The following RASAL2 variants were observed in gnomAD, a reference collection of about 807,000 sequenced individuals.
RASAL2 encodes the protein ras GTPase-activating protein nGAP.
A neutral mutation model predicts 128.9 loss-of-function variants in RASAL2; 58 were observed. That is an observed-to-expected ratio of 0.45 (90% CI 0.36 to 0.56). The LOEUF (loss-of-function observed/expected upper bound fraction) is 0.56, where lower values mean the gene tolerates loss of function less well. RASAL2 is among the 20% of genes least tolerant of loss of function. The pLI, the probability that RASAL2 is intolerant of heterozygous loss-of-function variation, is 0.00. For synonymous variants in RASAL2, 561 were observed against 580.8 expected (o/e 0.97, Z 0.49); for missense variants, 1,360 against 1,601.6 (o/e 0.85, Z 2.57).
chr1:178,416,780 C>T (rs1369565532), intron 4 of RASAL2, among the ~76,000 whole-genome samples: 6 of 151,920 alleles, frequency 3.9e-5, no homozygotes, highest in African/African-American at 7.2e-5. Flanking sequence ...CCTCTCAACA[C>T]TTTAATATTT....
At chr1:178,331,832 C>T (rs1447736626) in intron 3 of RASAL2, among the ~76,000 whole-genome samples, 1 of 152,052 alleles carries the variant, frequency 6.6e-6, no homozygotes, top group Admixed American at 6.5e-5. Context: ...CATGATCCGC[C>T]TGCCTCGGCC....
At chr1:178,389,512 T>C (rs1042012645) in intron 3 of RASAL2, among the ~76,000 whole-genome samples, 9 of 152,190 alleles carry the variant, frequency 5.9e-5, no homozygotes, top group African/African-American at 2.2e-4. Flanking sequence ...CAGAGTAAGA[T>C]CTTAGTAAGG....
intron 1 of RASAL2, among the ~76,000 whole-genome samples, chr1:178,185,254 AT>A (rs888669714): frequency 3.0e-4 from 44 of 146,020 alleles, no homozygotes; most frequent in African/African-American, 6.0e-4. Context: ...GAGTCTTTAC[AT>A]TTTTTTTTTC....
chr1:178,119,805 T>C (rs1474411963), intron 1 of RASAL2, among the ~76,000 whole-genome samples: 3 of 152,206 alleles, frequency 2.0e-5, no homozygotes, highest in Non-Finnish European at 4.4e-5. Context: ...ACTAATCCTC[T>C]CTAACGATTG....
chr1:178,250,425 C>CTTG lies in RASAL2; in HGVS notation c.203-33139_203-33138insTTG, dbSNP rs1373034130. 2.1e-4 allele frequency among the ~76,000 whole-genome samples: 32 copies of CTTG among 152,358 alleles called. No homozygotes were observed. In the East Asian group the frequency reaches 5.8e-3, roughly 28 times the overall value. On this transcript the variant is annotated intron_variant, in intron 1 of 17. Coordinates refer to ENST00000367649, the MANE Select transcript of RASAL2 (RefSeq NM_170692.4). ...TCAGCAATGGCGGACGCCCCAACCC[C>CTTG]ACCAAGCTTGATCATCCCAGGTCGA...
At chr1:178,098,435 C>T (rs1008456317) in intron 1 of RASAL2, among the ~76,000 whole-genome samples, 1 of 152,128 alleles carries the variant, frequency 6.6e-6, no homozygotes, top group African/African-American at 2.4e-5. Flanking sequence ...AGCAGCATAG[C>T]GAAAGGAAAC....
rs146721821 is a variant in RASAL2 at position 178,447,431 on chromosome 1, T to C, written c.1627+1769T>C. Among the ~76,000 whole-genome samples, 823 of 151,918 alleles carry C rather than the reference T, an allele frequency of 5.4e-3. 8 individuals carry two copies. Among genetic ancestry groups the C allele is most frequent in the African/African-American group, 0.019 (792 of 41,422 alleles). ...GCTCACACTTGTAATCCCAACACTT[T>C]AGGAGGCCGAGGCAGGCCCACCACC... On this transcript the variant is annotated intron_variant, in intron 9 of 17. Coordinates refer to ENST00000367649, the MANE Select transcript of RASAL2 (RefSeq NM_170692.4).
chr1:178,169,129 T>G (rs985060179), intron 1 of RASAL2, among the ~76,000 whole-genome samples: 1 of 151,744 alleles, frequency 6.6e-6, no homozygotes, highest in Non-Finnish European at 1.5e-5. Flanking sequence ...CCTTTAAAAA[T>G]GTACCATTTG....
chr1:178,289,332 C>T (rs149560578), intron 2 of RASAL2, among the ~76,000 whole-genome samples: 204 of 152,224 alleles, frequency 1.3e-3, no homozygotes, highest in African/African-American at 4.7e-3. Flanking sequence ...GTCATCTTTA[C>T]AGATTTCTCT....
chr1:178,282,304 C>A (rs1014934924), intron 1 of RASAL2, among the ~76,000 whole-genome samples: 1 of 151,964 alleles, frequency 6.6e-6, no homozygotes, highest in Admixed American at 6.6e-5. Flanking sequence ...GAAGTTAAAC[C>A]AGAAGAAACA....
chr1:178,205,615 G>C (rs1482488805), intron 1 of RASAL2, among the ~76,000 whole-genome samples: 1 of 152,034 alleles, frequency 6.6e-6, no homozygotes, highest in African/African-American at 2.4e-5. Flanking sequence ...AAATTAGCCA[G>C]GTGTGGTGGC....
intron 3 of RASAL2, among the ~76,000 whole-genome samples, chr1:178,320,067 T>G (rs1668681800): frequency 6.6e-6 from 1 of 151,944 alleles, no homozygotes; most frequent in Non-Finnish European, 1.5e-5. Context: ...GAGGTGTCAG[T>G]GTGCCCCTGC....
intron 14 of RASAL2, among the ~76,000 whole-genome samples, chr1:178,459,668 A>G (rs1446220725): frequency 6.6e-6 from 1 of 152,182 alleles, no homozygotes; most frequent in Non-Finnish European, 1.5e-5. Context: ...TGGATTATTT[A>G]TAGAATCCTT....
chr1:178,217,714 T>C (rs755576678), intron 1 of RASAL2, among the ~76,000 whole-genome samples: 2 of 152,226 alleles, frequency 1.3e-5, no homozygotes, highest in Non-Finnish European at 2.9e-5. Context: ...CAGAGAGTTG[T>C]AATCTTTTTG....
At chr1:178,140,179 T>C (rs948036109) in intron 1 of RASAL2, among the ~76,000 whole-genome samples, 1 of 152,180 alleles carries the variant, frequency 6.6e-6, no homozygotes, top group Non-Finnish European at 1.5e-5. Context: ...GTTTTTGTTT[T>C]TTAAAATAGA....
At chr1:178,441,675 A>T in intron 7 of RASAL2, 28 bp downstream of exon 7, 1 of 1,544,316 alleles carries the variant, frequency 6.5e-7, no homozygotes, top group Non-Finnish European at 8.9e-7. Flanking sequence ...TATCTAAAAA[A>T]TGTATAACTT....
At chr1:178,444,665 T>C (rs1029906660) in intron 8 of RASAL2, among the ~76,000 whole-genome samples, 15 of 152,132 alleles carry the variant, frequency 9.9e-5, no homozygotes, top group African/African-American at 3.4e-4. Context: ...TTTCCCCTTA[T>C]GCTATCCTTC....
intron 4 of RASAL2, among the ~76,000 whole-genome samples, chr1:178,395,075 A>G (rs1014195258): frequency 6.6e-6 from 1 of 152,178 alleles, no homozygotes; most frequent in African/African-American, 2.4e-5. Context: ...CACGTCCACT[A>G]TTTAATAAAG....
intron 1 of RASAL2, among the ~76,000 whole-genome samples, chr1:178,126,472 T>G (rs917103107): frequency 6.6e-6 from 1 of 152,250 alleles, no homozygotes; most frequent in Non-Finnish European, 1.5e-5. Context: ...TGGGATGGGC[T>G]GTGCACTGTG....
Sources: gnomAD v4.1 joint callset for allele counts (sites outside exome capture counted in the v4.1 genomes callset) on GRCh38, gnomAD v4.1.1 for gene constraint, MANE v1.5 for transcripts, NCBI Gene and HGNC (gene_info 2026-07-23, HGNC 2026-07-21) for gene names.